Variants in ZNF268 observed in about 807,000 individuals in gnomAD.
ZNF268 encodes the protein zinc finger protein 268.
In ZNF268, 20 loss-of-function variants were observed where a neutral mutation model predicts 29.3. That is an observed-to-expected ratio of 0.68 (90% CI 0.48 to 0.99). The LOEUF (loss-of-function observed/expected upper bound fraction) is 0.99, where lower values mean the gene tolerates loss of function less well. ZNF268 is among the 50% of genes least tolerant of loss of function. ZNF268 has a pLI of 0.00. For missense variants in ZNF268, 1,240 were observed against 1,121.6 expected, an observed-to-expected ratio of 1.11 and a Z score of -1.51; for synonymous variants, 429 against 376.9, an observed-to-expected ratio of 1.14 and a Z score of -1.60.
At position 133,188,075 on chromosome 12, in the gene ZNF268, G is replaced by A. The variant is rs1465752491; in HGVS notation, c.234+3G>A. On this transcript the variant is annotated splice_donor_region_variant and intron_variant, in intron 3 of 5. Coordinates refer to ENST00000536435, the MANE Select transcript of ZNF268 (RefSeq NM_003415.3). ...AGCCAAAAATCACCAAGTCCTGGGT[G>A]AGCTTCTCATTTGTTTATTCCTAGT... 7 of 1,577,276 alleles carry A rather than the reference G, an allele frequency of 4.4e-6. No homozygotes were observed. The highest frequency in any genetic ancestry group is 6.0e-6 in the Non-Finnish European group (7 of 1,161,184).
intron 2 of ZNF268, 57 bp from the exon 3 acceptor site, chr12:133,187,808 CCCTATTT>C: frequency 4.1e-6 from 6 of 1,452,358 alleles, no homozygotes; most frequent in Non-Finnish European, 5.6e-6. Context: ...GTGATGTGAC[CCCTATTT>C]CCTTTTCCCC....
chr12:133,210,796 G>A lies in ZNF268; in HGVS notation c.*6266G>A, dbSNP rs1287570765. The A allele has an allele frequency of 4.4e-6, 2 of 455,466 alleles. No individual in the cohort carries two copies. Among genetic ancestry groups the A allele is most frequent in the African/African-American group, 4.0e-5 (2 of 50,068 alleles). The allele number at this position is 455,466 out of a possible 1,614,324, so 28.2% of individuals were successfully genotyped here. A position where few individuals can be genotyped will look rare whatever the true frequency, so the allele number is the denominator to read the frequency against. ...ATCCCCAGGTCCTGAGTAGAAGGAAGGCCTGGTCCTCTGTGGATTCAACCC... is the reference window on the plus strand; with the variant it reads ...ATCCCCAGGTCCTGAGTAGAAGGAAAGCCTGGTCCTCTGTGGATTCAACCC... On this transcript the variant is annotated 3_prime_UTR_variant, in exon 6 of 6. Transcript: ENST00000536435.
chr12:133,184,682 T>C (rs1251818180), intron 2 of ZNF268: 6 of 451,850 alleles, frequency 1.3e-5, no homozygotes, highest in African/African-American at 1.0e-4. Flanking sequence ...GCAGTGGCTA[T>C]CTCTGCTCAC....
intron 2 of ZNF268, chr12:133,184,757 C>G: frequency 4.5e-6 from 2 of 445,484 alleles, no homozygotes; most frequent in Non-Finnish European, 9.1e-6. Context: ...GCTGGGATTA[C>G]AGGTGCGCAC....
intron 2 of ZNF268, among the ~76,000 whole-genome samples, chr12:133,187,434 T>C (rs1956350395): frequency 1.3e-5 from 2 of 152,158 alleles, no homozygotes; most frequent in African/African-American, 4.8e-5. Context: ...AATATTATGT[T>C]ACAATTTTTT....
rs191475880 is a variant in ZNF268 at position 133,207,199 on chromosome 12, A to G, written c.*2669A>G. On this transcript the variant is annotated 3_prime_UTR_variant, in exon 6 of 6. Coordinates refer to ENST00000536435, the MANE Select transcript of ZNF268 (RefSeq NM_003415.3). Reference sequence around the variant, plus strand: ...TTCCAGAGACTTTTCAGGAATAGTTATTATAAGGAAAATCCAAGGAAAAAT... The same window carrying G: ...TTCCAGAGACTTTTCAGGAATAGTTGTTATAAGGAAAATCCAAGGAAAAAT... 6.6e-6 allele frequency: 1 copy of G among 152,356 alleles called. No individual in the cohort carries two copies. The highest frequency in any genetic ancestry group is 2.4e-5 in the African/African-American group (1 of 41,590). The allele number at this position is 152,356 out of a possible 1,614,324, so 9.4% of individuals were successfully genotyped here.
rs1956978940 is a variant in ZNF268 at position 133,211,433 on chromosome 12, TAGCC to T, written c.*6906_*6909del. 5.1e-6 allele frequency: 1 copy of T among 195,692 alleles called. No individual in the cohort carries two copies. Among genetic ancestry groups the T allele is most frequent in the Non-Finnish European group, 1.1e-5 (1 of 93,226 alleles). The allele number at this position is 195,692 out of a possible 1,614,324, so 12.1% of individuals were successfully genotyped here. On this transcript the variant is annotated 3_prime_UTR_variant, in exon 6 of 6. Transcript: ENST00000536435. ...CCTGTCTCTACTAAAAATACAAAAT[TAGCC>T]AGGCGTGGTGGCGCTACTCTGCCAC...
rs568929211 is a variant in ZNF268 at position 133,187,511 on chromosome 12, C to T, written c.34-361C>T. 2.0e-5 allele frequency among the ~76,000 whole-genome samples: 3 copies of T among 152,256 alleles called. No individual in the cohort carries two copies. The South Asian group carries it at 6.2e-4, about 32-fold the overall frequency. ...AGCCTCGTTTGGTTCCTTATTCCCT[C>T]ATAATAATGTTGTGTGGGTATTCCT... On this transcript the variant is annotated intron_variant, in intron 2 of 5. Coordinates refer to ENST00000536435, the MANE Select transcript of ZNF268 (RefSeq NM_003415.3).
At position 133,181,616 on chromosome 12, in the gene ZNF268, G is replaced by A. The variant is rs1443910285; in HGVS notation, c.-123G>A. 2.5e-5 allele frequency: 5 copies of A among 196,648 alleles called. No homozygotes were observed. The highest frequency in any genetic ancestry group is 5.9e-5 in the Admixed American group (1 of 16,916). 12.2% of individuals were successfully genotyped at this position (196,648 alleles called of 1,614,324 possible). The stretch of plus-strand genomic sequence containing the variant: ...GGAGTGGTTGCGAACCCTTCTGGCT[G>A]CAGATCTGGAGGTGGAGGCAGTACC... On this transcript the variant is annotated 5_prime_UTR_variant, in exon 1 of 6. Transcript: ENST00000536435.
chr12:133,203,385 C>G lies in ZNF268; in HGVS notation c.1699C>G (p.Arg567Gly). 1 of 1,546,678 alleles carries G rather than the reference C, an allele frequency of 6.5e-7. No homozygotes were observed. Among genetic ancestry groups the G allele is most frequent in the Non-Finnish European group, 8.7e-7 (1 of 1,150,694 alleles). The change falls in exon 6 of 6, where the codon CGG becomes GGG. Residue 567 changes from arginine (R) to glycine (G), a missense_variant. Arg to Gly is a moderately radical substitution (Grantham distance 125). Around this residue, in one of 3 missense-constraint regions of ZNF268, gnomAD observed 1,177 missense variants for 1,039.6 expected, o/e 1.13. Coordinates refer to ENST00000536435, the MANE Select transcript of ZNF268 (RefSeq NM_003415.3). ...CCATGAATGTGGGAAAGCCTTCAGTCGGAAATACCAGCTTATTTCACACCA... is the reference window on the plus strand; with the variant it reads ...CCATGAATGTGGGAAAGCCTTCAGTGGGAAATACCAGCTTATTTCACACCA... ...ECHECGKAFS[R>G]KYQLISHQRT...
chr12:133,191,892 A>C lies in ZNF268; in HGVS notation c.362-16A>C. 6.2e-7 allele frequency: 1 copy of C among 1,611,962 alleles called. No homozygotes were observed. The highest frequency in any genetic ancestry group is 8.5e-7 in the Non-Finnish European group (1 of 1,178,182). Reference sequence around the variant, plus strand: ...AGCTGTTTGTTCCAGGTTGTCTGTGATTTTTCTATTTATAGGGTACCAACA... The same window carrying C: ...AGCTGTTTGTTCCAGGTTGTCTGTGCTTTTTCTATTTATAGGGTACCAACA... On this transcript the variant is annotated splice_polypyrimidine_tract_variant and intron_variant, in intron 4 of 5. Transcript: ENST00000536435.
In ZNF268 at chr12:133,202,246, T is replaced by C; in HGVS notation, c.560T>C (p.Leu187Pro). 1 of 1,612,324 alleles carries C rather than the reference T, an allele frequency of 6.2e-7. No individual in the cohort carries two copies. Among genetic ancestry groups the C allele is most frequent in the Admixed American group, 1.7e-5 (1 of 59,740 alleles). Reference protein sequence around the residue: ...KSFECTTFGKLCLLSTKYLSR... With the variant: ...KSFECTTFGKPCLLSTKYLSR... Reference sequence around the variant, plus strand: ...TTTGAATGCACTACATTTGGAAAACTATGTCTTCTTAGTACAAAGTATCTT... The same window carrying C: ...TTTGAATGCACTACATTTGGAAAACCATGTCTTCTTAGTACAAAGTATCTT... The change falls in exon 6 of 6, where the codon CTA becomes CCA. Residue 187 changes from leucine to proline, a missense_variant. Transcript: ENST00000536435.
At chr12:133,188,154 G>A in intron 3 of ZNF268, 82 bp downstream of exon 3, 2 of 1,277,702 alleles carry the variant, frequency 1.6e-6, no homozygotes, top group East Asian at 2.5e-5. Flanking sequence ...GAGATCCTTA[G>A]GTCAGAGGGT....
intron 2 of ZNF268, among the ~76,000 whole-genome samples, chr12:133,182,404 G>C (rs929037689): frequency 6.6e-6 from 1 of 151,080 alleles, no homozygotes; most frequent in African/African-American, 2.4e-5. Flanking sequence ...TTTTTTTATT[G>C]TATTTTGTTT....
At chr12:133,192,909 T>C (rs1416778805) in intron 5 of ZNF268, among the ~76,000 whole-genome samples, 1 of 152,180 alleles carries the variant, frequency 6.6e-6, no homozygotes, top group Non-Finnish European at 1.5e-5. Context: ...TCCGCCCACC[T>C]CGGCCTCCCA....
chr12:133,193,844 T>G, intron 5 of ZNF268, among the ~76,000 whole-genome samples: 1 of 152,192 alleles, frequency 6.6e-6, no homozygotes. Flanking sequence ...GGCCTCGTTT[T>G]CAGAAACTGG....
rs1956360724 is a variant in ZNF268 at position 133,187,781 on chromosome 12, G to A, written c.34-91G>A. ...TTAAACCTGCCTTGTTTTCTAACGT[G>A]TTTCTCTCACATTTATGTGATGTGA... On this transcript the variant is annotated intron_variant, in intron 2 of 5. Coordinates refer to ENST00000536435, the MANE Select transcript of ZNF268 (RefSeq NM_003415.3). The A allele has an allele frequency of 2.4e-6, 3 of 1,274,546 alleles. No individual in the cohort carries two copies. In the South Asian group the frequency reaches 4.4e-5, roughly 19 times the overall value. 79.0% of individuals were successfully genotyped at this position (1,274,546 alleles called of 1,614,324 possible). A position where few individuals can be genotyped will look rare whatever the true frequency, so the allele number is the denominator to read the frequency against.
intron 3 of ZNF268, among the ~76,000 whole-genome samples, chr12:133,188,477 A>G (rs975835155): frequency 2.0e-5 from 3 of 152,160 alleles, no homozygotes; most frequent in African/African-American, 7.2e-5. Flanking sequence ...GATGACAGTC[A>G]TGAGCCACTG....
At chr12:133,200,540 AG>A in intron 5 of ZNF268, among the ~76,000 whole-genome samples, 1 of 152,234 alleles carries the variant, frequency 6.6e-6, no homozygotes, top group East Asian at 1.9e-4. Context: ...GATGTCTATT[AG>A]CTCTGCTTTC....
Sources: allele counts gnomAD v4.1 joint callset (sites outside exome capture counted in the v4.1 genomes callset), GRCh38; gene constraint gnomAD v4.1.1; regional missense constraint gnomAD v4.1.1; transcripts MANE v1.5; gene names NCBI Gene and HGNC (gene_info 2026-07-23, HGNC 2026-07-21).